The following DOCK3 variants were observed in gnomAD, a reference collection of about 807,000 sequenced individuals.
The protein encoded by DOCK3 is dedicator of cytokinesis 3.
DOCK3 carries 60 observed loss-of-function variants against 265.6 expected under a neutral mutation model. That is an observed-to-expected ratio of 0.23 (90% CI 0.18 to 0.28). DOCK3 has a LOEUF of 0.28. DOCK3 is among the 10% of genes least tolerant of loss of function. The pLI, the probability that DOCK3 is intolerant of heterozygous loss-of-function variation, is 1.00. For synonymous variants in DOCK3, 881 were observed against 938.0 expected (o/e 0.94, Z 1.11); for missense variants, 1,981 against 2,594.3 (o/e 0.76, Z 5.14).
chr3:51,267,302 C>A (rs541446792), intron 23 of DOCK3, among the ~76,000 whole-genome samples: 1 of 152,018 alleles, frequency 6.6e-6, no homozygotes, highest in South Asian at 2.1e-4. Context: ...TGTGACCCAG[C>A]GATCCCATTT....
At position 51,381,083 on chromosome 3, in the gene DOCK3, A is replaced by G; in HGVS notation, c.5617A>G (p.Ser1873Gly). ...PLHPIPASPT[S>G]PQSGLDGSNS... ...CCACCCTATCCCAGCCTCCCCCACA[A>G]GCCCCCAGTCAGGTCTGGACGGCAG... is the stretch of plus-strand genomic sequence containing the variant. The change falls in exon 53 of 53, where the codon AGC becomes GGC. Residue 1873 changes from serine (S) to glycine (G), a missense_variant. By Grantham distance (56) the Ser-to-Gly change is moderately conservative. Coordinates refer to ENST00000266037, the MANE Select transcript of DOCK3 (RefSeq NM_004947.5). The surrounding 1 kb of genome is among the most constrained non-coding windows in gnomAD (Gnocchi z 5.6). 3 of 1,607,944 alleles carry G rather than the reference A, an allele frequency of 1.9e-6. No homozygotes were observed. Among genetic ancestry groups the G allele is most frequent in the Non-Finnish European group, 2.6e-6 (3 of 1,175,530 alleles).
At chr3:50,889,936 C>A in intron 3 of DOCK3, 90 bp from the exon 4 acceptor site, 1 of 1,042,822 alleles carries the variant, frequency 9.6e-7, no homozygotes, top group Non-Finnish European at 1.3e-6. Flanking sequence ...TACTATGTTT[C>A]TGTGCTGAAA....
chr3:50,978,990 T>C (rs1205528306), intron 5 of DOCK3, among the ~76,000 whole-genome samples: 2 of 152,124 alleles, frequency 1.3e-5, no homozygotes, highest in Non-Finnish European at 2.9e-5. Flanking sequence ...GGCAATGCCT[T>C]ACCCTGCTTC....
At chr3:51,102,539 A>G (rs2083127680) in intron 9 of DOCK3, among the ~76,000 whole-genome samples, 1 of 152,188 alleles carries the variant, frequency 6.6e-6, no homozygotes, top group Non-Finnish European at 1.5e-5. Flanking sequence ...GAGAGAATGG[A>G]AAATTGAGTG....
intron 5 of DOCK3, among the ~76,000 whole-genome samples, chr3:51,003,421 A>G (rs1485089411): frequency 6.6e-6 from 1 of 152,236 alleles, no homozygotes; most frequent in Non-Finnish European, 1.5e-5. Flanking sequence ...GGTGAAACTT[A>G]AAAACATCTA....
chr3:51,271,195 C>T (rs540892358), intron 24 of DOCK3, among the ~76,000 whole-genome samples, 188 bp downstream of exon 24: 1 of 152,296 alleles, frequency 6.6e-6, no homozygotes, highest in Admixed American at 6.5e-5. Context: ...AGGCCTACTG[C>T]CTTACTCACA....
At position 51,339,025 on chromosome 3, in the gene DOCK3, A is replaced by G. The variant is rs973708331; in HGVS notation, c.3763A>G (p.Thr1255Ala). ...CATGCACTTGCAGGCCGAAAACTAC[A>G]CAGGTAAGTGGGGAGAAGAGAGAGC... Reference protein sequence around the residue: ...CDMHLQAENYTEAAFTLLLYC... With the variant: ...CDMHLQAENYAEAAFTLLLYC... The change falls in exon 37 of 53, where the codon ACA becomes GCA. Residue 1255 changes from threonine to alanine, a missense_variant. This residue lies in a region of DOCK3 where 1,357 missense variants were observed against 1,866.8 expected (regional missense o/e 0.73). Transcript: ENST00000266037. 11 of 1,591,504 alleles carry G rather than the reference A, an allele frequency of 6.9e-6. No homozygotes were observed. The highest frequency in any genetic ancestry group is 5.2e-5 in the Admixed American group (3 of 58,138).
At chr3:50,805,956 C>T (rs2043386037) in intron 2 of DOCK3, among the ~76,000 whole-genome samples, 2 of 151,714 alleles carry the variant, frequency 1.3e-5, no homozygotes, top group South Asian at 4.2e-4. Flanking sequence ...ATGTCAGGAG[C>T]TGGGGGGCAG....
At chr3:51,036,072 T>G (rs2080250967) in intron 5 of DOCK3, among the ~76,000 whole-genome samples, 1 of 152,166 alleles carries the variant, frequency 6.6e-6, no homozygotes, top group African/African-American at 2.4e-5. Flanking sequence ...CTAAAAAAAT[T>G]TTTTAAACAT....
chr3:51,093,221 C>A (rs2109604846), intron 9 of DOCK3, among the ~76,000 whole-genome samples: 1 of 152,282 alleles, frequency 6.6e-6, no homozygotes, highest in African/African-American at 2.4e-5. Context: ...TGAAGAAAGT[C>A]AGTAGTAGCT....
chr3:50,930,219 T>G (rs1333536177), intron 4 of DOCK3, among the ~76,000 whole-genome samples: 1 of 152,362 alleles, frequency 6.6e-6, no homozygotes, highest in African/African-American at 2.4e-5. Context: ...TACTTTGTCT[T>G]GCATATCATT....
intron 5 of DOCK3, among the ~76,000 whole-genome samples, chr3:51,027,674 C>A (rs1388317582): frequency 6.6e-6 from 1 of 152,014 alleles, no homozygotes; most frequent in African/African-American, 2.4e-5. Flanking sequence ...ATGAATTTAA[C>A]CCTTTATCAT....
intron 5 of DOCK3, among the ~76,000 whole-genome samples, chr3:50,965,802 TA>T (rs2077010978): frequency 6.6e-6 from 1 of 152,122 alleles, no homozygotes. Flanking sequence ...TTTTTTAGCT[TA>T]AAAATATTTA....
intron 3 of DOCK3, among the ~76,000 whole-genome samples, chr3:50,852,258 A>G (rs1311580940): frequency 6.6e-6 from 1 of 152,172 alleles, no homozygotes; most frequent in African/African-American, 2.4e-5. Flanking sequence ...ATCTTTATGC[A>G]TGATCTTGCT....
At chr3:51,161,216 A>G (rs1003056172) in intron 12 of DOCK3, among the ~76,000 whole-genome samples, 9 of 152,038 alleles carry the variant, frequency 5.9e-5, no homozygotes, top group African/African-American at 1.9e-4. Flanking sequence ...AGGCCAAGGC[A>G]GGCGGATCAC....
intron 12 of DOCK3, among the ~76,000 whole-genome samples, chr3:51,197,489 A>G (rs2088379952): frequency 6.6e-6 from 1 of 152,020 alleles, no homozygotes; most frequent in African/African-American, 2.4e-5. Context: ...ATCTCCAGGA[A>G]CTCGGGTGGC....
At chr3:51,260,052 A>G in intron 22 of DOCK3, 104 bp from the exon 23 acceptor site, 1 of 1,194,690 alleles carries the variant, frequency 8.4e-7, no homozygotes, top group Non-Finnish European at 1.1e-6. Context: ...CCAACACCTG[A>G]TTTTGGTATA....
chr3:50,970,950 G>GTC (rs1481503155), intron 5 of DOCK3, among the ~76,000 whole-genome samples: 1 of 30,952 alleles, frequency 3.2e-5, no homozygotes, highest in Non-Finnish European at 6.5e-5. Context: ...TATATATAAT[G>GTC]TGTGTGTGTG....
rs36063062 is a variant in DOCK3, at chr3:50,675,884, G to GT, written c.37+594dup. Among the ~76,000 whole-genome samples the GT allele has an allele frequency of 1.3e-4, 19 of 149,124 alleles. No homozygotes were observed. The highest frequency in any genetic ancestry group is 4.3e-4 in the South Asian group (2 of 4,676). ...TTGGACATGTATCAATGTTTATACG[G>GT]TTTTTTTTTTAAACCCTGTTTTCAG... On this transcript the variant is annotated intron_variant, in intron 1 of 52. Transcript: ENST00000266037. This position sits in a 1 kb window ranked among gnomAD's most constrained non-coding sequence, Gnocchi z 6.1.
Sources: allele counts gnomAD v4.1 joint callset (sites outside exome capture counted in the v4.1 genomes callset), GRCh38; gene constraint gnomAD v4.1.1; regional missense constraint gnomAD v4.1.1; non-coding constraint Gnocchi (gnomAD v3.1); transcripts MANE v1.5; gene names NCBI Gene and HGNC (gene_info 2026-07-23, HGNC 2026-07-21).